NEMF: variants seen among roughly 807,000 people sequenced by gnomAD.
The protein encoded by NEMF is nuclear export mediator factor, also known as ribosome quality control complex subunit NEMF.
NEMF carries 89 observed loss-of-function variants against 162.2 expected under a neutral mutation model. That is an observed-to-expected ratio of 0.55 (90% CI 0.46 to 0.65). The LOEUF is 0.65. Ranked by LOEUF, NEMF falls within the 30% of genes least tolerant of loss-of-function variation. NEMF has a pLI of 0.00. For missense variants in NEMF, 1,133 were observed against 1,261.9 expected (o/e 0.90, Z 1.55); for synonymous variants, 421 against 404.5 (o/e 1.04, Z -0.49).
intron 18 of NEMF, among the ~76,000 whole-genome samples, chr14:49,813,374 G>A (rs1455824674): frequency 2.0e-5 from 3 of 152,262 alleles, no homozygotes; most frequent in East Asian, 1.9e-4. Context: ...CAACCTGTAT[G>A]GTGCTGCTAT....
chr14:49,837,509 A>G (rs1269913598), intron 6 of NEMF, among the ~76,000 whole-genome samples: 1 of 152,092 alleles, frequency 6.6e-6, no homozygotes, highest in Non-Finnish European at 1.5e-5. Context: ...AAAATAAATT[A>G]AAAAAGAAAA....
Position 49,834,359 on chromosome 14 carries a change from ATACC to A in NEMF, c.661_661+3del. On this transcript the variant is annotated splice_donor_variant and splice_donor_region_variant and coding_sequence_variant and intron_variant, in exon 7 of 33. Coordinates refer to ENST00000298310, the MANE Select transcript of NEMF (RefSeq NM_004713.6). LOFTEE classifies it high-confidence loss of function. Reference sequence around the variant, plus strand: ...TAAATGAAAAATGTACCATGCAGACATACCTTTAGTTTCAAGTTTTTCATCCACT... The same window carrying A: ...TAAATGAAAAATGTACCATGCAGACATTTAGTTTCAAGTTTTTCATCCACT... 6.4e-7 allele frequency: 1 copy of A among 1,574,010 alleles called. No homozygotes were observed. The highest frequency in any genetic ancestry group is 8.7e-7 in the Non-Finnish European group (1 of 1,144,422).
intron 16 of NEMF, among the ~76,000 whole-genome samples, chr14:49,823,889 C>T (rs1417047315): frequency 6.6e-6 from 1 of 152,116 alleles, no homozygotes; most frequent in Non-Finnish European, 1.5e-5. Flanking sequence ...CAACTATCAG[C>T]CAGGTGTGAT....
intron 3 of NEMF, among the ~76,000 whole-genome samples, chr14:49,848,102 A>C (rs1194163015): frequency 6.6e-6 from 1 of 151,624 alleles, no homozygotes; most frequent in Non-Finnish European, 1.5e-5. Flanking sequence ...TCCTGGACTC[A>C]AGCAATCTCC....
In NEMF at chr14:49,796,189, C is replaced by G. The variant is rs999971331; in HGVS notation, c.2466-245G>C. On this transcript the variant is annotated intron_variant, in intron 25 of 32. Coordinates refer to ENST00000298310, the MANE Select transcript of NEMF (RefSeq NM_004713.6). ...CATCCAAGCTCAACATATTGTCACC[C>G]CTGACTCATCCTTACTCACTAGGCA... 3 of 552,566 alleles carry G rather than the reference C, an allele frequency of 5.4e-6. No homozygotes were observed. In the African/African-American group the frequency reaches 5.6e-5, roughly 10 times the overall value. The allele number at this position is 552,566 out of a possible 1,614,324, so 34.2% of individuals were successfully genotyped here.
intron 29 of NEMF, 35 bp from the exon 30 acceptor site, chr14:49,785,355 T>A: frequency 7.0e-7 from 1 of 1,429,700 alleles, no homozygotes; most frequent in Non-Finnish European, 9.9e-7. Flanking sequence ...AAAGGCAATT[T>A]ATACCGCCCT....
At chr14:49,793,636 C>T (rs1292042498) in intron 26 of NEMF, among the ~76,000 whole-genome samples, 1 of 152,128 alleles carries the variant, frequency 6.6e-6, no homozygotes. Flanking sequence ...AAAAATGCAT[C>T]ATTTATTGTT....
rs2233772 is a variant in NEMF, at chr14:49,825,542, C to T, written c.1577+325G>A. 4.6e-3 allele frequency among the ~76,000 whole-genome samples: 707 copies of T among 152,184 alleles called. 3 individuals carry two copies. The highest frequency in any genetic ancestry group is 0.016 in the African/African-American group (677 of 41,524). On this transcript the variant is annotated intron_variant, in intron 16 of 32. Coordinates refer to ENST00000298310, the MANE Select transcript of NEMF (RefSeq NM_004713.6). The stretch of plus-strand genomic sequence containing the variant: ...CTTGAGCCTAGAAGTTTGAGACCAG[C>T]CTGGGCAACAAAGTGAGACCCTGCC...
Position 49,851,649 on chromosome 14 carries a change from T to C in NEMF, c.145A>G (p.Thr49Ala), listed in dbSNP as rs758291103. The C allele has an allele frequency of 2.0e-5, 32 of 1,613,860 alleles. No individual in the cohort carries two copies. Among genetic ancestry groups the C allele is most frequent in the Non-Finnish European group, 2.7e-5 (32 of 1,179,818 alleles). The change falls in exon 3 of 33, where the codon ACA becomes GCA. Residue 49 changes from threonine (T) to alanine (A), a missense_variant. Physicochemically the swap from Thr to Ala is moderately conservative, Grantham distance 58. This residue lies in a region of NEMF where 582 missense variants were observed against 631.5 expected (regional missense o/e 0.92). Coordinates refer to ENST00000298310, the MANE Select transcript of NEMF (RefSeq NM_004713.6). ...IRLQKPDFKA[T>A]LLLESGIRIH... ...CGTATGCCAGATTCAAGTAAAAGTG[T>C]AGCTTTAAAGTCCGGTCTGTAGAAG...
Position 49,783,568 on chromosome 14 carries a change from G to T in NEMF, c.*1068C>A, listed in dbSNP as rs1001161556. ...ATTAATAGGTTTTATAGCTCATGAA[G>T]GAATGGAAATAATGATGACATCATT... On this transcript the variant is annotated 3_prime_UTR_variant, in exon 33 of 33. Coordinates refer to ENST00000298310, the MANE Select transcript of NEMF (RefSeq NM_004713.6). The T allele has an allele frequency of 1.1e-4, 16 of 151,904 alleles. No individual in the cohort carries two copies. The highest frequency in any genetic ancestry group is 3.9e-4 in the African/African-American group (16 of 41,374). The allele number at this position is 151,904 out of a possible 1,614,324, so 9.4% of individuals were successfully genotyped here.
chr14:49,791,722 G>C (rs1378588126), intron 26 of NEMF, among the ~76,000 whole-genome samples: 1 of 127,110 alleles, frequency 7.9e-6, no homozygotes, highest in African/African-American at 3.0e-5. Context: ...GGGCAACAGA[G>C]CGAGACTCCA....
In NEMF at chr14:49,846,191, T is replaced by C. The variant is rs201017714; in HGVS notation, c.306A>G (p.Gln102=). ...GGTAAGCAGCTTCATCACTTCCAAA[T>C]TGAAAATCTACAATTCTATCCACAC... The part of the protein sequence containing the change: ...QLGVDRIVDF[Q]FGSDEAAYHL... The change falls in exon 4 of 33, where the codon CAA becomes CAG. Residue 102 remains glutamine (Q), a synonymous_variant. Coordinates refer to ENST00000298310, the MANE Select transcript of NEMF (RefSeq NM_004713.6). 5.9e-5 allele frequency: 95 copies of C among 1,613,848 alleles called. 1 individual carries two copies. In the Admixed American group the frequency reaches 6.5e-4, roughly 11 times the overall value.
intron 4 of NEMF, among the ~76,000 whole-genome samples, chr14:49,842,115 A>G (rs1365152688): frequency 1.3e-5 from 2 of 149,258 alleles, no homozygotes; most frequent in Non-Finnish European, 3.0e-5. Context: ...CAAAAAAAAA[A>G]GATGTTCACT....
At chr14:49,851,502 TAAA>T in intron 3 of NEMF, 58 bp downstream of exon 3, 1 of 1,167,252 alleles carries the variant, frequency 8.6e-7, no homozygotes, top group Non-Finnish European at 1.3e-6. Flanking sequence ...AAACCCCAAT[TAAA>T]AACTTAATTG....
At chr14:49,816,446 C>G (rs929894148) in intron 16 of NEMF, among the ~76,000 whole-genome samples, 1 of 152,190 alleles carries the variant, frequency 6.6e-6, no homozygotes, top group African/African-American at 2.4e-5. Context: ...AGCATGTGAT[C>G]TTTGTGACCT....
chr14:49,798,932 G>C (rs866790070), intron 25 of NEMF, among the ~76,000 whole-genome samples: 1 of 151,416 alleles, frequency 6.6e-6, no homozygotes, highest in East Asian at 1.9e-4. Flanking sequence ...GTTAAGTGAA[G>C]GCCGGGCACA....
intron 16 of NEMF, among the ~76,000 whole-genome samples, chr14:49,823,514 G>C (rs774396110): frequency 1.3e-5 from 2 of 151,854 alleles, no homozygotes; most frequent in African/African-American, 2.4e-5. Context: ...TCAGTGGAAA[G>C]ATTTGGTGGA....
chr14:49,814,910 A>G, intron 16 of NEMF, 53 bp from the exon 17 acceptor site: 2 of 1,032,070 alleles, frequency 1.9e-6, no homozygotes, highest in South Asian at 1.4e-5. Context: ...GCCTGAATTC[A>G]TACCCTTTTT....
intron 18 of NEMF, among the ~76,000 whole-genome samples, chr14:49,811,270 G>A (rs1017735713): frequency 2.0e-5 from 3 of 152,188 alleles, no homozygotes; most frequent in Non-Finnish European, 4.4e-5. Context: ...GTAGTGTACA[G>A]AAATACAACT....
Sources: allele counts gnomAD v4.1 joint callset (sites outside exome capture counted in the v4.1 genomes callset), GRCh38; gene constraint gnomAD v4.1.1; regional missense constraint gnomAD v4.1.1; transcripts MANE v1.5; gene names NCBI Gene and HGNC (gene_info 2026-07-23, HGNC 2026-07-21).